The following WDR72 variants were observed in gnomAD, a reference collection of about 807,000 sequenced individuals.
The protein encoded by WDR72 is WD repeat domain 72, also known as WD repeat-containing protein 72.
A neutral mutation model predicts 124.2 loss-of-function variants in WDR72; 120 were observed. The ratio of observed to expected loss-of-function variants is 0.97; its 90% CI spans 0.83 to 1.12. The LOEUF is 1.12. Ranked by LOEUF, WDR72 falls within the 50% of genes most tolerant of loss-of-function variation. The pLI is 0.00. For missense variants in WDR72, 1,387 were observed against 1,278.8 expected, an observed-to-expected ratio of 1.08 and a Z score of -1.29; for synonymous variants, 452 against 441.7, an observed-to-expected ratio of 1.02 and a Z score of -0.29.
chr15:53,577,800 T>C (rs555097022), intron 18 of WDR72, among the ~76,000 whole-genome samples: 37 of 152,272 alleles, frequency 2.4e-4, no homozygotes, highest in Middle Eastern at 3.4e-3. Flanking sequence ...AAGTTAACAT[T>C]GGCTTTAGGT....
intron 19 of WDR72, 76 bp downstream of exon 19, chr15:53,523,142 C>T: frequency 7.3e-7 from 1 of 1,370,346 alleles, no homozygotes. Context: ...GTCCTCTCCC[C>T]TCACCCCCTT....
intron 3 of WDR72, among the ~76,000 whole-genome samples, chr15:53,722,192 C>T (rs1415302240): frequency 6.6e-6 from 1 of 151,898 alleles, no homozygotes; most frequent in African/African-American, 2.4e-5. Context: ...CATCACCATG[C>T]CCAGGCCAAT....
At chr15:53,583,992 T>C (rs1268449102) in intron 18 of WDR72, among the ~76,000 whole-genome samples, 1 of 152,016 alleles carries the variant, frequency 6.6e-6, no homozygotes, top group Non-Finnish European at 1.5e-5. Flanking sequence ...ATCCTATTCC[T>C]GGAAAATGTC....
At chr15:53,545,086 C>T (rs1036662246) in intron 18 of WDR72, among the ~76,000 whole-genome samples, 1 of 148,662 alleles carries the variant, frequency 6.7e-6, no homozygotes, top group South Asian at 2.2e-4. Flanking sequence ...GGCCATACTG[C>T]CCAAGGTAAT....
At chr15:53,667,338 A>G (rs2015813931) in intron 13 of WDR72, among the ~76,000 whole-genome samples, 1 of 152,180 alleles carries the variant, frequency 6.6e-6, no homozygotes. Context: ...TGGGTGACAG[A>G]ACGAGACCCT....
intron 14 of WDR72, among the ~76,000 whole-genome samples, chr15:53,626,652 G>T (rs900593932): frequency 6.6e-6 from 1 of 152,174 alleles, no homozygotes. Flanking sequence ...TGTCCTTCCC[G>T]CTGTGCTCTC....
chr15:53,586,910 T>C (rs1198699386), intron 18 of WDR72, among the ~76,000 whole-genome samples: 2 of 151,972 alleles, frequency 1.3e-5, no homozygotes, highest in Non-Finnish European at 2.9e-5. Context: ...CTGAACTTTT[T>C]TAAAGGGGAG....
chr15:53,593,723 T>C (rs1160175661), intron 18 of WDR72, among the ~76,000 whole-genome samples: 3 of 151,368 alleles, frequency 2.0e-5, no homozygotes, highest in Non-Finnish European at 1.5e-5. Context: ...GATCACACCA[T>C]TGCACTCTAG....
intron 15 of WDR72, among the ~76,000 whole-genome samples, chr15:53,614,117 T>C (rs1206614501): frequency 6.6e-6 from 1 of 152,060 alleles, no homozygotes; most frequent in Non-Finnish European, 1.5e-5. Context: ...TATGTTCACA[T>C]CTGTCAAAGA....
chr15:53,736,190 C>CT (rs1422346523), intron 1 of WDR72, among the ~76,000 whole-genome samples: 1 of 152,168 alleles, frequency 6.6e-6, no homozygotes, highest in Non-Finnish European at 1.5e-5. Flanking sequence ...CCTTTCCCTT[C>CT]TTTGCTAATT....
intron 1 of WDR72, among the ~76,000 whole-genome samples, chr15:53,753,704 C>A (rs771229786): frequency 2.6e-5 from 4 of 152,188 alleles, no homozygotes; most frequent in Non-Finnish European, 5.9e-5. Context: ...CACATCCCAC[C>A]TTCTGTCTTC....
Position 53,705,056 on chromosome 15 carries a change from G to A in WDR72, c.1280C>T (p.Thr427Ile). 6.2e-7 allele frequency: 1 copy of A among 1,613,982 alleles called. No homozygotes were observed. The highest frequency in any genetic ancestry group is 8.5e-7 in the Non-Finnish European group (1 of 1,179,968). The change falls in exon 11 of 20, where the codon ACA (threonine) becomes ATA (isoleucine). Residue 427 changes from threonine to isoleucine, a missense_variant. Transcript: ENST00000360509. ...ATTCAAAGCCTGGGTAATGATAATT[G>A]TCCCATCTTCACAGCCACATATTAG... The part of the protein sequence containing the change: ...DKLICGCEDG[T>I]IIITQALNAA...
rs1891507261 is a variant in WDR72 at position 53,517,109 on chromosome 15, C to T, written c.*590G>A. The T allele has an allele frequency of 6.3e-6, 1 of 158,718 alleles. No homozygotes were observed. Among genetic ancestry groups the T allele is most frequent in the Non-Finnish European group, 1.4e-5 (1 of 72,018 alleles). 9.8% of individuals were successfully genotyped at this position (158,718 alleles called of 1,614,324 possible). A position where few individuals can be genotyped will look rare whatever the true frequency, so the allele number is the denominator to read the frequency against. ...GGTTGGTCACTGTTATACTTTGTAT[C>T]TCTTATTTGGGCTAATTGATAACTA... On this transcript the variant is annotated 3_prime_UTR_variant, in exon 20 of 20. Transcript: ENST00000360509.
intron 14 of WDR72, among the ~76,000 whole-genome samples, chr15:53,616,631 T>G (rs1424643888): frequency 6.6e-6 from 1 of 151,866 alleles, no homozygotes; most frequent in Non-Finnish European, 1.5e-5. Context: ...ATGCAAAAAT[T>G]TATTAAGTAT....
Position 53,705,073 on chromosome 15 carries a change from A to C in WDR72, c.1263T>G (p.Cys421Trp). The C allele has an allele frequency of 6.2e-7, 1 of 1,614,106 alleles. No individual in the cohort carries two copies. Among genetic ancestry groups the C allele is most frequent in the Non-Finnish European group, 8.5e-7 (1 of 1,180,014 alleles). Residue 421 changes from cysteine (C) to tryptophan (W), a missense_variant, in exon 11 of 20, where the codon TGT (cysteine) becomes TGG (tryptophan). Cys to Trp is a radical substitution (Grantham distance 215). Transcript: ENST00000360509. ...TGATAATTGTCCCATCTTCACAGCC[A>C]CATATTAGTTTATCAAGACTTGGAA... is the stretch of plus-strand genomic sequence containing the variant. ...EYIPSLDKLI[C>W]GCEDGTIIIT...
At chr15:53,753,424 T>C (rs999827038) in intron 1 of WDR72, among the ~76,000 whole-genome samples, 21 of 152,352 alleles carry the variant, frequency 1.4e-4, no homozygotes, top group African/African-American at 5.0e-4. Context: ...TAAAGGATTC[T>C]AGCAGAAGCT....
chr15:53,659,300 A>C (rs1567010380), intron 14 of WDR72, among the ~76,000 whole-genome samples: 1 of 152,198 alleles, frequency 6.6e-6, no homozygotes, highest in Non-Finnish European at 1.5e-5. Context: ...TGTTAACTAC[A>C]TTTGTCACAC....
chr15:53,558,804 G>A (rs1002629994), intron 18 of WDR72, among the ~76,000 whole-genome samples: 3 of 152,006 alleles, frequency 2.0e-5, no homozygotes, highest in African/African-American at 4.8e-5. Context: ...ATGCATAGCA[G>A]TAAATGGCAC....
At chr15:53,530,466 C>A (rs1566944499) in intron 18 of WDR72, among the ~76,000 whole-genome samples, 2 of 151,772 alleles carry the variant, frequency 1.3e-5, no homozygotes, top group Non-Finnish European at 2.9e-5. Flanking sequence ...TTTTAAGGAC[C>A]AAATCCTATG....
Sources: allele counts gnomAD v4.1 joint callset (sites outside exome capture counted in the v4.1 genomes callset), GRCh38; gene constraint gnomAD v4.1.1; transcripts MANE v1.5; gene names NCBI Gene and HGNC (gene_info 2026-07-23, HGNC 2026-07-21).